SOX5: variants seen among roughly 807,000 people sequenced by gnomAD.
SOX5 encodes transcription factor SOX-5.
SOX5 carries 9 observed loss-of-function variants against 92.0 expected under a neutral mutation model. The observed-to-expected ratio is 0.10, with a 90% CI of 0.06 to 0.17. SOX5 has a LOEUF of 0.17. Among genes scored for constraint, SOX5 ranks in the 10% least tolerant of loss-of-function variants. SOX5 has a pLI of 1.00. For synonymous variants in SOX5, 344 were observed against 336.3 expected (o/e 1.02, Z -0.25); for missense variants, 642 against 944.5 (o/e 0.68, Z 4.20).
chr12:24,294,966 T>C (rs1460452669), intron 2 of SOX5, among the ~76,000 whole-genome samples: 1 of 152,192 alleles, frequency 6.6e-6, no homozygotes, highest in African/African-American at 2.4e-5. Context: ...TGGAATTCCA[T>C]TGACACAATG....
At chr12:23,887,917 ATGTGTGTGTGTGTG>A (rs61356582) in intron 2 of SOX5, among the ~76,000 whole-genome samples, 1 of 144,664 alleles carries the variant, frequency 6.9e-6, no homozygotes, top group Admixed American at 6.9e-5. Flanking sequence ...CAGTGTGTAT[ATGTGTGTGTGTGTG>A]TGTGTGTGTG....
chr12:24,114,692 C>T (rs1323575719), intron 4 of SOX5, among the ~76,000 whole-genome samples: 1 of 147,638 alleles, frequency 6.8e-6, no homozygotes, highest in Non-Finnish European at 1.5e-5. Flanking sequence ...GATCCCAGAA[C>T]TTTGGCAGGC....
At chr12:23,570,621 C>G (rs1376361321) in intron 10 of SOX5, among the ~76,000 whole-genome samples, 1 of 151,424 alleles carries the variant, frequency 6.6e-6, no homozygotes, top group African/African-American at 2.4e-5. Flanking sequence ...TAAAAAAATA[C>G]AAAAATTGGT....
intron 1 of SOX5, among the ~76,000 whole-genome samples, chr12:24,529,689 G>C (rs1951003326): frequency 2.0e-5 from 3 of 152,128 alleles, no homozygotes; most frequent in African/African-American, 7.2e-5. Context: ...TTTTTTTCAA[G>C]AGTTATCGCT....
At chr12:23,563,448 G>T in intron 10 of SOX5, 45 bp from the exon 11 acceptor site, 1 of 1,574,864 alleles carries the variant, frequency 6.3e-7, no homozygotes, top group South Asian at 1.1e-5. Context: ...ATAAAAGCAT[G>T]TCTAGGCTAG....
chr12:23,807,894 C>T (rs1485134534), intron 3 of SOX5, among the ~76,000 whole-genome samples: 3 of 151,838 alleles, frequency 2.0e-5, no homozygotes, highest in Non-Finnish European at 2.9e-5. Context: ...GTGATCTGCC[C>T]GCCTCGGCCT....
intron 1 of SOX5, among the ~76,000 whole-genome samples, chr12:24,511,060 G>A (rs1949261391): frequency 6.6e-6 from 1 of 152,142 alleles, no homozygotes; most frequent in Non-Finnish European, 1.5e-5. Flanking sequence ...CAGGGAATGT[G>A]ACTTTTACTT....
chr12:23,654,807 A>G (rs911040961), intron 7 of SOX5, among the ~76,000 whole-genome samples: 1 of 152,146 alleles, frequency 6.6e-6, no homozygotes, highest in Non-Finnish European at 1.5e-5. Flanking sequence ...AATTTCATAG[A>G]ATGGTAAGTA....
At chr12:23,589,108 CATATAA>C (rs1951163218) in intron 9 of SOX5, among the ~76,000 whole-genome samples, 1 of 149,424 alleles carries the variant, frequency 6.7e-6, no homozygotes, top group African/African-American at 2.4e-5. Context: ...ACTATGCATA[CATATAA>C]ATATATCCAT....
intron 2 of SOX5, among the ~76,000 whole-genome samples, chr12:23,889,618 G>T (rs2097107716): frequency 1.3e-5 from 2 of 152,108 alleles, no homozygotes; most frequent in South Asian, 4.1e-4. Context: ...CAGTGTTTAA[G>T]GTTGGATTTC....
At chr12:24,276,988 C>T (rs949741203) in intron 3 of SOX5, among the ~76,000 whole-genome samples, 4 of 152,046 alleles carry the variant, frequency 2.6e-5, no homozygotes, top group African/African-American at 7.2e-5. Flanking sequence ...ATGTTGCTAT[C>T]ATCTGCCAGT....
At position 24,352,232 on chromosome 12, in the gene SOX5, C is replaced by T. The variant is rs555877603; in HGVS notation, c.-174+16331G>A. Among the ~76,000 whole-genome samples, 6 of 152,250 alleles carry T rather than the reference C, an allele frequency of 3.9e-5. No individual in the cohort carries two copies. The South Asian group carries it at 1.2e-3, about 32-fold the overall frequency. ...GAATTCTAACTATGCTACTGACTAG[C>T]TACATGGGAAAGTGTTAATTTTTCC... On this transcript the variant is annotated intron_variant, in intron 2 of 4. Transcript: ENST00000446891.
intron 2 of SOX5, among the ~76,000 whole-genome samples, chr12:23,888,747 T>C (rs151254653): frequency 0.01 from 1,532 of 152,314 alleles, 20 homozygotes; most frequent in African/African-American, 0.035. Context: ...CCTGGGATTA[T>C]ATCTAGATAA....
intron 3 of SOX5, among the ~76,000 whole-genome samples, chr12:23,782,997 C>T (rs1247739621): frequency 6.6e-6 from 1 of 152,114 alleles, no homozygotes; most frequent in African/African-American, 2.4e-5. Flanking sequence ...CACTGCCGTA[C>T]CTGTGAGTTC....
chr12:24,374,304 A>G (rs1354927020), intron 1 of SOX5, among the ~76,000 whole-genome samples: 2 of 152,164 alleles, frequency 1.3e-5, no homozygotes, highest in Non-Finnish European at 2.9e-5. Flanking sequence ...CAGCGAGAGC[A>G]CAGGACTGTC....
chr12:23,923,102 C>A (rs1378131552), intron 1 of SOX5, among the ~76,000 whole-genome samples: 1 of 152,006 alleles, frequency 6.6e-6, no homozygotes, highest in Admixed American at 6.6e-5. Context: ...CCCGCCACAA[C>A]GCCCGGCTAA....
intron 4 of SOX5, among the ~76,000 whole-genome samples, chr12:24,082,752 T>G (rs1943517595): frequency 6.6e-6 from 1 of 151,884 alleles, no homozygotes; most frequent in South Asian, 2.1e-4. Flanking sequence ...TTTTTTTTTC[T>G]TAGTTTTTTC....
chr12:24,053,521 TTACTCTA>T (rs754277110), intron 4 of SOX5, among the ~76,000 whole-genome samples: 1 of 152,150 alleles, frequency 6.6e-6, no homozygotes, highest in African/African-American at 2.4e-5. Flanking sequence ...TGGGCACTGT[TTACTCTA>T]TAAAGAAGAG....
intron 3 of SOX5, among the ~76,000 whole-genome samples, chr12:23,843,522 C>T (rs1023102619): frequency 2.0e-4 from 29 of 148,590 alleles, no homozygotes; most frequent in African/African-American, 6.2e-4. Context: ...CAAATCATGG[C>T]CATACTTCAG....
Sources: gnomAD v4.1 joint callset for allele counts (sites outside exome capture counted in the v4.1 genomes callset) on GRCh38, gnomAD v4.1.1 for gene constraint, MANE v1.5 for transcripts, NCBI Gene and HGNC (gene_info 2026-07-23, HGNC 2026-07-21) for gene names.